Variants in RSBN1 observed in about 807,000 individuals in gnomAD.
RSBN1 encodes lysine-specific demethylase 9.
A neutral mutation model predicts 74.8 loss-of-function variants in RSBN1; 23 were observed. The ratio of observed to expected loss-of-function variants is 0.31; its 90% CI spans 0.22 to 0.44. The LOEUF (loss-of-function observed/expected upper bound fraction) is 0.44. Ranked by LOEUF, RSBN1 falls within the 20% of genes least tolerant of loss-of-function variation. The probability of loss-of-function intolerance (pLI) is 1.00; values close to 1 mark genes in which losing one functional copy is unlikely to be tolerated. For missense variants in RSBN1, 808 were observed against 1,020.9 expected (o/e 0.79, Z 2.84); for synonymous variants, 407 against 379.6 (o/e 1.07, Z -0.84).
chr1:113,790,499 AG>A (rs1660342631), intron 2 of RSBN1, among the ~76,000 whole-genome samples: 1 of 152,168 alleles, frequency 6.6e-6, no homozygotes. Flanking sequence ...AATGAGGAAA[AG>A]ATGTATACAG....
At position 113,812,258 on chromosome 1, in the gene RSBN1, T is replaced by C; in HGVS notation, c.155A>G (p.Gln52Arg). 6.2e-7 allele frequency: 1 copy of C among 1,605,888 alleles called. No individual in the cohort carries two copies. Among genetic ancestry groups the C allele is most frequent in the Non-Finnish European group, 8.5e-7 (1 of 1,179,862 alleles). ...KCVFVGEMAA[Q>R]VGAVRVVRAV... ...CCGTACTACGCGCACCGCTCCGACC[T>C]GCGCAGCCATTTCACCCACAAACAC... The change falls in exon 1 of 7, where the codon CAG (glutamine) becomes CGG (arginine). Residue 52 changes from glutamine (Q) to arginine (R), a missense_variant. Physicochemically the swap from Gln to Arg is conservative, Grantham distance 43. Coordinates refer to ENST00000261441, the MANE Select transcript of RSBN1 (RefSeq NM_018364.5).
Position 113,763,664 on chromosome 1 carries a change from GA to G in RSBN1, c.*2315del, listed in dbSNP as rs2101785889. On this transcript the variant is annotated 3_prime_UTR_variant, in exon 7 of 7. Transcript: ENST00000261441. Reference sequence around the variant, plus strand: ...TTCTATTGCAATTCTAACATACAATGAATTTATTAGTACATGATTTTAAACA... The same window carrying G: ...TTCTATTGCAATTCTAACATACAATGATTTATTAGTACATGATTTTAAACA... 6.5e-6 allele frequency: 1 copy of G among 152,836 alleles called. No homozygotes were observed. The highest frequency in any genetic ancestry group is 1.9e-4 in the East Asian group (1 of 5,320). 9.5% of individuals were successfully genotyped at this position (152,836 alleles called of 1,614,324 possible). A position where few individuals can be genotyped will look rare whatever the true frequency, so the allele number is the denominator to read the frequency against.
intron 1 of RSBN1, among the ~76,000 whole-genome samples, chr1:113,803,431 AG>A (rs1660630171): frequency 2.0e-5 from 3 of 152,224 alleles, no homozygotes; most frequent in Admixed American, 2.0e-4. Flanking sequence ...TGTCTTCCAA[AG>A]TGGCTGTATC....
chr1:113,794,898 G>A (rs1254796651), intron 2 of RSBN1, among the ~76,000 whole-genome samples: 1 of 152,116 alleles, frequency 6.6e-6, no homozygotes, highest in East Asian at 1.9e-4. Flanking sequence ...TTGAAATATA[G>A]TCACGAATAA....
intron 2 of RSBN1, among the ~76,000 whole-genome samples, chr1:113,785,099 T>C (rs1354538531): frequency 2.0e-5 from 3 of 152,010 alleles, no homozygotes; most frequent in Non-Finnish European, 4.4e-5. Flanking sequence ...ACGTCCTTAT[T>C]CTGTAAGGTA....
intron 2 of RSBN1, among the ~76,000 whole-genome samples, chr1:113,781,346 C>T (rs1660136331): frequency 2.0e-5 from 3 of 152,178 alleles, no homozygotes. Context: ...CCATACCACT[C>T]CCCTGAAACA....
chr1:113,768,933 T>C (rs1163426802), intron 4 of RSBN1, among the ~76,000 whole-genome samples: 1 of 151,456 alleles, frequency 6.6e-6, no homozygotes, highest in African/African-American at 2.4e-5. Flanking sequence ...AAAAAATATA[T>C]ATATATATAC....
intron 2 of RSBN1, among the ~76,000 whole-genome samples, chr1:113,785,255 A>G (rs973683561): frequency 3.7e-4 from 57 of 152,310 alleles, no homozygotes; most frequent in African/African-American, 1.3e-3. Flanking sequence ...TGTCCTGCTG[A>G]AAAGTCTTCA....
intron 2 of RSBN1, among the ~76,000 whole-genome samples, chr1:113,795,027 C>A (rs1204429384): frequency 1.3e-5 from 2 of 152,152 alleles, no homozygotes; most frequent in Non-Finnish European, 2.9e-5. Context: ...TGTCAAAAGA[C>A]TTCAGGTAAG....
At chr1:113,798,270 T>C (rs1660512905) in intron 1 of RSBN1, among the ~76,000 whole-genome samples, 3 of 152,092 alleles carry the variant, frequency 2.0e-5, no homozygotes, top group Admixed American at 6.6e-5. Flanking sequence ...TTACTGATAA[T>C]GGAGAAAAAT....
intron 4 of RSBN1, among the ~76,000 whole-genome samples, chr1:113,776,155 G>A (rs533238259): frequency 1.3e-5 from 2 of 152,174 alleles, no homozygotes; most frequent in South Asian, 2.1e-4. Context: ...ACTGAGGCTC[G>A]GTCCTATAGA....
At chr1:113,771,944 T>G (rs1659892772) in intron 4 of RSBN1, among the ~76,000 whole-genome samples, 1 of 151,848 alleles carries the variant, frequency 6.6e-6, no homozygotes, top group African/African-American at 2.4e-5. Context: ...AAAGAAGTTA[T>G]GGTACCAAAT....
chr1:113,793,783 C>G (rs908356786), intron 2 of RSBN1, among the ~76,000 whole-genome samples: 1 of 151,940 alleles, frequency 6.6e-6, no homozygotes, highest in African/African-American at 2.4e-5. Context: ...CAGGTTCAAG[C>G]CAGCATCCCA....
Position 113,766,005 on chromosome 1 carries a change from T to G in RSBN1, c.2384A>C (p.Gln795Pro). 6.2e-7 allele frequency: 1 copy of G among 1,613,236 alleles called. No homozygotes were observed. The highest frequency in any genetic ancestry group is 8.5e-7 in the Non-Finnish European group (1 of 1,179,242). Residue 795 changes from glutamine (Q) to proline (P), a missense_variant, in exon 7 of 7, where the codon CAA becomes CCA. Transcript: ENST00000261441. ...RLDSDQQHNLQEHSTTSV is the reference protein window; with the variant it reads ...RLDSDQQHNLPEHSTTSV The stretch of plus-strand genomic sequence containing the variant: ...TCACACAGAAGTGGTTGAATGTTCT[T>G]GCAGATTGTGTTGCTGGTCAGAGTC...
chr1:113,811,631 G>A (rs1470050690), intron 1 of RSBN1, 79 bp downstream of exon 1: 1 of 1,495,840 alleles, frequency 6.7e-7, no homozygotes, highest in Non-Finnish European at 8.9e-7. Context: ...GGGGTTTGGC[G>A]TCTTTCAGTC....
chr1:113,797,885 C>T lies in RSBN1; in HGVS notation c.855G>A (p.Leu285=). ...TGAGAATTTCTTTACTGATGCGGGT[C>T]AGGCCAGCACAGACGGTTTGTACTT... The part of the protein sequence containing the change: ...NKEVQTVCAG[L]TRISKEILTQ... The change falls in exon 2 of 7, where the codon CTG becomes CTA. Residue 285 remains leucine (L), a synonymous_variant. Transcript: ENST00000261441. 1.9e-6 allele frequency: 3 copies of T among 1,613,520 alleles called. No individual in the cohort carries two copies. Among genetic ancestry groups the T allele is most frequent in the Non-Finnish European group, 1.7e-6 (2 of 1,179,898 alleles).
At chr1:113,795,215 G>C (rs770653370) in intron 2 of RSBN1, among the ~76,000 whole-genome samples, 10 of 152,166 alleles carry the variant, frequency 6.6e-5, no homozygotes, top group Admixed American at 1.3e-4. Flanking sequence ...TGTGAACATT[G>C]TTCAGGTGGC....
At chr1:113,804,016 C>T (rs190865365) in intron 1 of RSBN1, among the ~76,000 whole-genome samples, 4 of 151,266 alleles carry the variant, frequency 2.6e-5, no homozygotes, top group Admixed American at 2.6e-4. Flanking sequence ...GTGAGCTAGG[C>T]TTAGCTACAG....
At chr1:113,773,233 G>A (rs1659915777) in intron 4 of RSBN1, among the ~76,000 whole-genome samples, 1 of 152,206 alleles carries the variant, frequency 6.6e-6, no homozygotes, top group Admixed American at 6.5e-5. Flanking sequence ...ATTAAAATGA[G>A]ACATTTTTGG....
Sources: allele counts gnomAD v4.1 joint callset (sites outside exome capture counted in the v4.1 genomes callset), GRCh38; gene constraint gnomAD v4.1.1; transcripts MANE v1.5; gene names NCBI Gene and HGNC (gene_info 2026-07-23, HGNC 2026-07-21).